The following ELOVL6 variants were observed in gnomAD, a reference collection of about 807,000 sequenced individuals.
ELOVL6 encodes the protein ELOVL fatty acid elongase 6, also known as very long chain fatty acid elongase 6.
A neutral mutation model predicts 31.7 loss-of-function variants in ELOVL6; 8 were observed. The ratio of observed to expected loss-of-function variants is 0.25; its 90% CI spans 0.15 to 0.45. The LOEUF is 0.45. ELOVL6 is among the 20% of genes least tolerant of loss of function. The pLI, the probability that ELOVL6 is intolerant of heterozygous loss-of-function variation, is 1.00. For missense variants in ELOVL6, 126 were observed against 326.4 expected (o/e 0.39, Z 4.73); for synonymous variants, 101 against 117.7 (o/e 0.86, Z 0.92).
chr4:110,086,638 T>C (rs1477277051), intron 2 of ELOVL6, among the ~76,000 whole-genome samples: 1 of 152,190 alleles, frequency 6.6e-6, no homozygotes, highest in African/African-American at 2.4e-5. Flanking sequence ...TGGTTAATTA[T>C]GACCATGCTT....
At chr4:110,149,073 GCTGGT>G (rs1341509909) in intron 1 of ELOVL6, among the ~76,000 whole-genome samples, 1 of 152,142 alleles carries the variant, frequency 6.6e-6, no homozygotes, top group Non-Finnish European at 1.5e-5. Flanking sequence ...TGTTGCTGAG[GCTGGT>G]CTTGAACTCC....
chr4:110,084,923 A>G (rs1425564344), intron 2 of ELOVL6, among the ~76,000 whole-genome samples: 1 of 151,988 alleles, frequency 6.6e-6, no homozygotes, highest in Non-Finnish European at 1.5e-5. Context: ...GCAAGGAAGA[A>G]AAGAAGACTA....
chr4:110,083,987 C>CATATATAACATATGTTATATAT (rs1560813354), intron 2 of ELOVL6, among the ~76,000 whole-genome samples: 1 of 6,914 alleles, frequency 1.4e-4, no homozygotes, highest in Non-Finnish European at 2.9e-4. Flanking sequence ...ATGCCATATA[C>CATATATAACATATGTTATATAT]GATATATAAC....
At chr4:110,130,425 C>G (rs905729648) in intron 1 of ELOVL6, among the ~76,000 whole-genome samples, 3 of 152,112 alleles carry the variant, frequency 2.0e-5, no homozygotes, top group African/African-American at 7.2e-5. Context: ...TACCATAAGA[C>G]AGCGGGGAAA....
At chr4:110,166,405 G>A (rs1375526789) in intron 1 of ELOVL6, among the ~76,000 whole-genome samples, 1 of 152,120 alleles carries the variant, frequency 6.6e-6, no homozygotes, top group Non-Finnish European at 1.5e-5. Flanking sequence ...GAGGTCAAGA[G>A]ATCGAGACCA....
intron 2 of ELOVL6, among the ~76,000 whole-genome samples, chr4:110,086,658 T>A (rs1756274012): frequency 6.6e-6 from 1 of 152,176 alleles, no homozygotes; most frequent in East Asian, 1.9e-4. Flanking sequence ...TCCCAGGGGT[T>A]CATTAAGTGG....
At chr4:110,074,131 T>A (rs975814678) in intron 2 of ELOVL6, among the ~76,000 whole-genome samples, 2 of 152,082 alleles carry the variant, frequency 1.3e-5, no homozygotes, top group African/African-American at 4.8e-5. Context: ...GGGAGACTTG[T>A]CCCAGGAACT....
At chr4:110,153,933 G>A (rs928297458) in intron 1 of ELOVL6, among the ~76,000 whole-genome samples, 2 of 152,086 alleles carry the variant, frequency 1.3e-5, no homozygotes, top group African/African-American at 4.8e-5. Context: ...TACTTCATTT[G>A]CAAGGAAACA....
intron 1 of ELOVL6, among the ~76,000 whole-genome samples, chr4:110,160,021 A>G (rs1244862338): frequency 6.6e-6 from 1 of 152,158 alleles, no homozygotes; most frequent in African/African-American, 2.4e-5. Flanking sequence ...ACATTAGGAA[A>G]AGTGGCACCT....
intron 2 of ELOVL6, among the ~76,000 whole-genome samples, chr4:110,084,742 G>A (rs112750176): frequency 0.1 from 15,279 of 149,696 alleles, 912 homozygotes; most frequent in East Asian, 0.18. Context: ...CTACAGGTGC[G>A]TGCCACCACA....
chr4:110,194,858 T>C (rs1759726511), intron 1 of ELOVL6, among the ~76,000 whole-genome samples: 1 of 152,228 alleles, frequency 6.6e-6, no homozygotes, highest in African/African-American at 2.4e-5. Flanking sequence ...CCAATGTAGT[T>C]CACTTTTGAG....
intron 2 of ELOVL6, among the ~76,000 whole-genome samples, chr4:110,061,549 C>CT (rs57846282): frequency 0.041 from 2,928 of 72,278 alleles, 376 homozygotes; most frequent in Non-Finnish European, 0.057. Flanking sequence ...CAAATGATGG[C>CT]TTTTTTTTTT....
chr4:110,084,238 T>TATAACTTATATAAC (rs1412482333), intron 2 of ELOVL6, among the ~76,000 whole-genome samples: 1 of 114,194 alleles, frequency 8.8e-6, no homozygotes, highest in African/African-American at 4.4e-5. Flanking sequence ...ATATATAACA[T>TATAACTTATATAAC]ATATGATATA....
At chr4:110,140,757 T>A (rs1237417887) in intron 1 of ELOVL6, among the ~76,000 whole-genome samples, 1 of 150,848 alleles carries the variant, frequency 6.6e-6, no homozygotes, top group Non-Finnish European at 1.5e-5. Context: ...GGTCATTTTT[T>A]AAATGAATAT....
chr4:110,049,101 AT>A lies in ELOVL6; in HGVS notation c.*2236del, dbSNP rs1340358316. On this transcript the variant is annotated 3_prime_UTR_variant, in exon 4 of 4. Coordinates refer to ENST00000302274, the MANE Select transcript of ELOVL6 (RefSeq NM_024090.3). ...AAGGAAAAAAGGCTTATTGCACGGTATCATGTATTTGCGAAGCTCAAAATAA... is the reference window on the plus strand; with the variant it reads ...AAGGAAAAAAGGCTTATTGCACGGTACATGTATTTGCGAAGCTCAAAATAA... 6.6e-6 allele frequency: 1 copy of A among 152,248 alleles called. No individual in the cohort carries two copies. Among genetic ancestry groups the A allele is most frequent in the African/African-American group, 2.4e-5 (1 of 41,468 alleles). The allele number at this position is 152,248 out of a possible 1,614,324, so 9.4% of individuals were successfully genotyped here.
At chr4:110,079,114 G>C (rs1755750735) in intron 2 of ELOVL6, among the ~76,000 whole-genome samples, 1 of 152,126 alleles carries the variant, frequency 6.6e-6, no homozygotes, top group African/African-American at 2.4e-5. Context: ...CCTACAAAGA[G>C]ACTTAGACTC....
At chr4:110,084,222 TATG>T (rs1173935075) in intron 2 of ELOVL6, among the ~76,000 whole-genome samples, 1 of 57,846 alleles carries the variant, frequency 1.7e-5, no homozygotes, top group Non-Finnish European at 3.3e-5. Context: ...ATATAACTTA[TATG>T]ATATATATAA....
chr4:110,092,796 T>C lies in ELOVL6; in HGVS notation c.221+12701A>G, dbSNP rs539086636. Among the ~76,000 whole-genome samples, 929 of 149,516 alleles carry C rather than the reference T, an allele frequency of 6.2e-3. 8 individuals are homozygous for C. The highest frequency in any genetic ancestry group is 9.0e-3 in the Non-Finnish European group (609 of 67,574). On this transcript the variant is annotated intron_variant, in intron 2 of 3. Coordinates refer to ENST00000302274, the MANE Select transcript of ELOVL6 (RefSeq NM_024090.3). ...AGGATTCAATTTTTAGTTCGAAATC[T>C]TGTAGTACACACACACACACACACG...
intron 2 of ELOVL6, among the ~76,000 whole-genome samples, chr4:110,073,675 G>C (rs1755553073): frequency 6.6e-6 from 1 of 152,056 alleles, no homozygotes; most frequent in Non-Finnish European, 1.5e-5. Flanking sequence ...AAGCATTGAG[G>C]AACAAGGAAA....
Sources: gnomAD v4.1 joint callset for allele counts (sites outside exome capture counted in the v4.1 genomes callset) on GRCh38, gnomAD v4.1.1 for gene constraint, MANE v1.5 for transcripts, NCBI Gene and HGNC (gene_info 2026-07-23, HGNC 2026-07-21) for gene names.